OSBP2: variants seen among roughly 807,000 people sequenced by gnomAD.
The protein encoded by OSBP2 is oxysterol binding protein 2.
OSBP2 carries 66 observed loss-of-function variants against 96.0 expected under a neutral mutation model. The ratio of observed to expected loss-of-function variants is 0.69; its 90% CI spans 0.56 to 0.84. OSBP2 has a LOEUF of 0.84. Ranked by LOEUF, OSBP2 falls within the 40% of genes least tolerant of loss-of-function variation. OSBP2 has a pLI of 0.00. For synonymous variants in OSBP2, 525 were observed against 520.9 expected (o/e 1.01, Z -0.11); for missense variants, 1,038 against 1,222.7 (o/e 0.85, Z 2.25).
intron 12 of OSBP2, among the ~76,000 whole-genome samples, chr22:30,904,160 C>T (rs1268921677): frequency 6.6e-6 from 1 of 152,200 alleles, no homozygotes; most frequent in Admixed American, 6.5e-5. Context: ...GAGACCCTTG[C>T]AGGGTGATGG....
chr22:30,697,006 G>C (rs549971901), intron 1 of OSBP2, among the ~76,000 whole-genome samples: 2 of 152,164 alleles, frequency 1.3e-5, no homozygotes, highest in Admixed American at 6.5e-5. Context: ...GGGAGACACA[G>C]AGCCCATTAT....
chr22:30,823,958 T>C (rs1298816842), intron 2 of OSBP2, among the ~76,000 whole-genome samples: 1 of 152,256 alleles, frequency 6.6e-6, no homozygotes, highest in Non-Finnish European at 1.5e-5. Flanking sequence ...GGGAGAATTT[T>C]GGAGTTAGTT....
chr22:30,802,056 G>A (rs190088282), intron 2 of OSBP2, among the ~76,000 whole-genome samples: 2 of 152,298 alleles, frequency 1.3e-5, no homozygotes, highest in East Asian at 3.9e-4. Flanking sequence ...CCTCATCTTG[G>A]ACTCCAGAAA....
chr22:30,821,437 A>G (rs2038270578), intron 2 of OSBP2, among the ~76,000 whole-genome samples: 1 of 152,246 alleles, frequency 6.6e-6, no homozygotes, highest in Non-Finnish European at 1.5e-5. Context: ...GGGTACAGCC[A>G]TCATGATGTG....
At chr22:30,753,313 G>T (rs1024024315) in intron 2 of OSBP2, among the ~76,000 whole-genome samples, 1 of 152,224 alleles carries the variant, frequency 6.6e-6, no homozygotes. Flanking sequence ...GGAATATGGA[G>T]ATGGAGGTGA....
chr22:30,874,651 G>A (rs1197470682), intron 3 of OSBP2, among the ~76,000 whole-genome samples: 1 of 152,176 alleles, frequency 6.6e-6, no homozygotes, highest in East Asian at 1.9e-4. Flanking sequence ...TATCAGGAAT[G>A]GCTTCAGCCC....
chr22:30,732,904 C>T (rs941344027), intron 1 of OSBP2, among the ~76,000 whole-genome samples: 22 of 152,194 alleles, frequency 1.4e-4, no homozygotes, highest in African/African-American at 3.6e-4. Context: ...CCAGGAGTCA[C>T]TGGCACAGCT....
rs565963467 is a variant in OSBP2, at chr22:30,800,745, G to T, written c.853+59376G>T. 3.5e-4 allele frequency among the ~76,000 whole-genome samples: 54 copies of T among 152,294 alleles called. No individual in the cohort carries two copies. In the South Asian group the frequency reaches 0.011, roughly 30 times the overall value. On this transcript the variant is annotated intron_variant, in intron 2 of 13. Transcript: ENST00000332585. ...CAGTGGTATGTATTCCAGTTCTTTG[G>T]CTTTTCCAGAACCCAGAAAAGAATG...
At chr22:30,842,764 AG>A (rs1284597316) in intron 2 of OSBP2, 1 of 150,446 alleles carries the variant, frequency 6.6e-6, no homozygotes, top group Non-Finnish European at 1.5e-5. Flanking sequence ...TCAGCAATTC[AG>A]TTCGTTCTTT....
At chr22:30,766,485 T>G (rs1245669439) in intron 2 of OSBP2, among the ~76,000 whole-genome samples, 1 of 152,226 alleles carries the variant, frequency 6.6e-6, no homozygotes. Flanking sequence ...CTTGCCTCTG[T>G]GCTCTTGAAG....
chr22:30,906,359 T>C lies in OSBP2; in HGVS notation c.*20T>C. On this transcript the variant is annotated 3_prime_UTR_variant, in exon 14 of 14. Transcript: ENST00000332585. Reference sequence around the variant, plus strand: ...TTCTGAGCGCCACCCTTGCAACAAATACAGGCGCCTGCACAGCCTGGCCCA... The same window carrying C: ...TTCTGAGCGCCACCCTTGCAACAAACACAGGCGCCTGCACAGCCTGGCCCA... The C allele has an allele frequency of 6.3e-7, 1 of 1,580,820 alleles. No individual in the cohort carries two copies. Among genetic ancestry groups the C allele is most frequent in the Non-Finnish European group, 8.6e-7 (1 of 1,162,642 alleles).
intron 12 of OSBP2, among the ~76,000 whole-genome samples, chr22:30,900,975 G>T (rs1256552764): frequency 6.6e-6 from 1 of 152,096 alleles, no homozygotes; most frequent in African/African-American, 2.4e-5. Flanking sequence ...CTTGGAGAAG[G>T]TAATCATAAT....
chr22:30,812,421 C>T (rs2091021439), intron 2 of OSBP2, among the ~76,000 whole-genome samples: 1 of 152,232 alleles, frequency 6.6e-6, no homozygotes, highest in Admixed American at 6.5e-5. Context: ...CTGCACCTGC[C>T]TCTCAAAGTG....
chr22:30,815,928 T>C (rs1340834699), intron 2 of OSBP2, among the ~76,000 whole-genome samples: 2 of 152,192 alleles, frequency 1.3e-5, no homozygotes, highest in Non-Finnish European at 2.9e-5. Context: ...GAAAGCTTTT[T>C]GCTTCTCTCG....
intron 2 of OSBP2, among the ~76,000 whole-genome samples, chr22:30,836,711 A>C (rs537593407): frequency 6.6e-6 from 1 of 152,192 alleles, no homozygotes; most frequent in African/African-American, 2.4e-5. Context: ...AGTGGGATGC[A>C]GCAGGGCAGG....
At chr22:30,712,692 G>A (rs1399613102) in intron 1 of OSBP2, among the ~76,000 whole-genome samples, 1 of 152,220 alleles carries the variant, frequency 6.6e-6, no homozygotes, top group Middle Eastern at 3.2e-3. Flanking sequence ...CACAGAAAGT[G>A]TAGTTGCTTT....
chr22:30,882,605 G>C (rs961352318), intron 3 of OSBP2, among the ~76,000 whole-genome samples: 2 of 152,088 alleles, frequency 1.3e-5, no homozygotes, highest in African/African-American at 2.4e-5. Flanking sequence ...GCTGGCATCA[G>C]AATCAGCAGG....
rs1215765059 is a variant in OSBP2 at position 30,822,523 on chromosome 22, C to T, written c.854-47906C>T. The T allele has an allele frequency of 3.3e-5, 45 of 1,375,176 alleles. 1 individual carries two copies. The South Asian group carries it at 6.9e-4, about 21-fold the overall frequency. 85.2% of individuals were successfully genotyped at this position (1,375,176 alleles called of 1,614,324 possible). On this transcript the variant is annotated intron_variant, in intron 2 of 13. Coordinates refer to ENST00000332585, the MANE Select transcript of OSBP2 (RefSeq NM_030758.4). ...CGCGGCGCCGGGACCCACGAGTGTCCGCCGCCTCCGCCGGGCGGCCCACCG... is the reference window on the plus strand; with the variant it reads ...CGCGGCGCCGGGACCCACGAGTGTCTGCCGCCTCCGCCGGGCGGCCCACCG...
At chr22:30,900,335 C>A (rs1001007053) in intron 12 of OSBP2, among the ~76,000 whole-genome samples, 3 of 150,692 alleles carry the variant, frequency 2.0e-5, no homozygotes, top group Non-Finnish European at 4.4e-5. Context: ...CTATAGAGAA[C>A]ATTATACAGC....
Sources: allele counts gnomAD v4.1 joint callset (sites outside exome capture counted in the v4.1 genomes callset), GRCh38; gene constraint gnomAD v4.1.1; transcripts MANE v1.5; gene names NCBI Gene and HGNC (gene_info 2026-07-23, HGNC 2026-07-21).